Variants in NRG3 observed in about 807,000 individuals in gnomAD.
NRG3 encodes neuregulin 3, also known as pro-neuregulin-3, membrane-bound isoform.
Under a neutral mutation model 66.9 loss-of-function variants are expected in NRG3, and 31 were observed. The ratio of observed to expected loss-of-function variants is 0.46; its 90% CI spans 0.35 to 0.63. The LOEUF is 0.63. Among genes scored for constraint, NRG3 ranks in the 20% least tolerant of loss-of-function variants. The pLI, the probability that NRG3 is intolerant of heterozygous loss-of-function variation, is 0.00. For missense variants in NRG3, 910 were observed against 878.9 expected, an observed-to-expected ratio of 1.04 and a Z score of -0.45; for synonymous variants, 393 against 359.4, an observed-to-expected ratio of 1.09 and a Z score of -1.06.
intron 1 of NRG3, among the ~76,000 whole-genome samples, chr10:81,953,968 A>G (rs1849597226): frequency 6.6e-6 from 1 of 152,200 alleles, no homozygotes; most frequent in South Asian, 2.1e-4. Flanking sequence ...AAAATTGGGT[A>G]GTGATTATTG....
chr10:82,773,714 T>C (rs1201449805), intron 3 of NRG3, among the ~76,000 whole-genome samples: 1 of 152,154 alleles, frequency 6.6e-6, no homozygotes, highest in Non-Finnish European at 1.5e-5. Context: ...TTATCTTATA[T>C]CTCTTGCTAG....
chr10:81,882,634 T>A (rs563790344), intron 1 of NRG3, among the ~76,000 whole-genome samples: 2 of 152,152 alleles, frequency 1.3e-5, no homozygotes, highest in Non-Finnish European at 2.9e-5. Context: ...ACAATCACTG[T>A]TTTTATGTCA....
At chr10:82,262,395 G>C (rs1394541592) in intron 1 of NRG3, among the ~76,000 whole-genome samples, 1 of 152,144 alleles carries the variant, frequency 6.6e-6, no homozygotes, top group African/African-American at 2.4e-5. Context: ...AGATCATTCT[G>C]TTTGACATTT....
At chr10:82,368,158 C>T (rs1158196646) in intron 2 of NRG3, among the ~76,000 whole-genome samples, 1 of 139,518 alleles carries the variant, frequency 7.2e-6, no homozygotes, top group Non-Finnish European at 1.5e-5. Flanking sequence ...TGAGTAAACA[C>T]AGGGAATTTG....
At chr10:81,921,253 G>T (rs1846228320) in intron 1 of NRG3, among the ~76,000 whole-genome samples, 1 of 151,852 alleles carries the variant, frequency 6.6e-6, no homozygotes, top group South Asian at 2.1e-4. Flanking sequence ...AATTATAATT[G>T]CTAATTGTAT....
intron 2 of NRG3, among the ~76,000 whole-genome samples, chr10:82,712,013 C>T (rs2056700017): frequency 6.6e-6 from 1 of 152,200 alleles, no homozygotes; most frequent in Admixed American, 6.5e-5. Context: ...CTCCATATTT[C>T]TCCATTTATA....
intron 1 of NRG3, among the ~76,000 whole-genome samples, chr10:82,000,510 C>G (rs981045404): frequency 2.0e-5 from 3 of 152,110 alleles, no homozygotes; most frequent in Non-Finnish European, 4.4e-5. Context: ...GGTCATGTAT[C>G]ACCCTTAGCT....
chr10:82,881,639 T>C (rs950028574), intron 4 of NRG3, among the ~76,000 whole-genome samples: 2 of 152,166 alleles, frequency 1.3e-5, no homozygotes, highest in Non-Finnish European at 2.9e-5. Flanking sequence ...CAGGTGGACA[T>C]TTATCAAATT....
At chr10:82,337,707 T>A (rs901541542) in intron 1 of NRG3, among the ~76,000 whole-genome samples, 2 of 152,216 alleles carry the variant, frequency 1.3e-5, no homozygotes, top group African/African-American at 4.8e-5. Context: ...TTACTTTACA[T>A]AAACACTAAC....
chr10:82,587,307 A>G (rs974359684), intron 2 of NRG3, among the ~76,000 whole-genome samples: 1 of 151,170 alleles, frequency 6.6e-6, no homozygotes, highest in African/African-American at 2.4e-5. Context: ...TTATAAAAGT[A>G]TATGCTATTC....
chr10:82,561,101 A>G (rs945429200), intron 2 of NRG3, among the ~76,000 whole-genome samples: 1 of 152,142 alleles, frequency 6.6e-6, no homozygotes. Context: ...TAAAGTGTCC[A>G]TCTCTTCCTA....
At chr10:82,398,693 G>C (rs1288908729) in intron 2 of NRG3, among the ~76,000 whole-genome samples, 1 of 152,032 alleles carries the variant, frequency 6.6e-6, no homozygotes, top group Non-Finnish European at 1.5e-5. Flanking sequence ...ACTTCCAAAA[G>C]GCCCAAGAAA....
intron 1 of NRG3, among the ~76,000 whole-genome samples, chr10:81,892,216 C>T (rs760774345): frequency 1.3e-5 from 2 of 151,844 alleles, no homozygotes; most frequent in Non-Finnish European, 2.9e-5. Flanking sequence ...GTGTGTGTGT[C>T]TCTTTGTGTG....
At chr10:82,549,097 T>A (rs966250457) in intron 2 of NRG3, among the ~76,000 whole-genome samples, 2 of 152,118 alleles carry the variant, frequency 1.3e-5, no homozygotes, top group Non-Finnish European at 2.9e-5. Flanking sequence ...AAGTTGTAGA[T>A]GAGTACAACT....
chr10:81,909,615 TAAC>T (rs983237744), intron 1 of NRG3, among the ~76,000 whole-genome samples: 1 of 152,114 alleles, frequency 6.6e-6, no homozygotes. Flanking sequence ...CACTACAGAG[TAAC>T]AACAACATAA....
At chr10:82,252,523 C>T (rs1328921505) in intron 1 of NRG3, among the ~76,000 whole-genome samples, 1 of 152,154 alleles carries the variant, frequency 6.6e-6, no homozygotes, top group Non-Finnish European at 1.5e-5. Flanking sequence ...ATTTTTAGCA[C>T]TATATTACAA....
At chr10:82,606,253 A>G (rs2047953448) in intron 2 of NRG3, among the ~76,000 whole-genome samples, 1 of 152,122 alleles carries the variant, frequency 6.6e-6, no homozygotes, top group South Asian at 2.1e-4. Context: ...ATATTTTAAA[A>G]TTTCTTTTGA....
intron 1 of NRG3, among the ~76,000 whole-genome samples, chr10:81,897,090 C>T (rs930549145): frequency 3.9e-5 from 6 of 152,016 alleles, no homozygotes; most frequent in South Asian, 2.1e-4. Flanking sequence ...AAGCCAGAAA[C>T]GGCAATACCT....
intron 1 of NRG3, among the ~76,000 whole-genome samples, chr10:82,254,450 A>G (rs1051573380): frequency 3.3e-5 from 5 of 152,166 alleles, no homozygotes; most frequent in African/African-American, 9.7e-5. Context: ...TGCTTTGCCA[A>G]CTACAAAGCT....
Sources: allele counts gnomAD v4.1 joint callset (sites outside exome capture counted in the v4.1 genomes callset), GRCh38; gene constraint gnomAD v4.1.1; transcripts MANE v1.5; gene names NCBI Gene and HGNC (gene_info 2026-07-23, HGNC 2026-07-21).